RB1: variants seen among roughly 807,000 people sequenced by gnomAD.
RB1 encodes retinoblastoma-associated protein.
Under a neutral mutation model 135.4 loss-of-function variants are expected in RB1, and 18 were observed. The ratio of observed to expected loss-of-function variants is 0.13; its 90% CI spans 0.09 to 0.20. RB1 has a LOEUF of 0.20. Among genes scored for constraint, RB1 ranks in the 10% least tolerant of loss-of-function variants. The pLI is 1.00. For missense variants in RB1, 868 were observed against 1,110.0 expected (o/e 0.78, Z 3.10); for synonymous variants, 365 against 373.2 (o/e 0.98, Z 0.25).
intron 2 of RB1, among the ~76,000 whole-genome samples, 181 bp downstream of exon 2, chr13:48,307,587 G>A (rs1952092871): frequency 6.6e-6 from 1 of 151,672 alleles, no homozygotes; most frequent in African/African-American, 2.4e-5. Flanking sequence ...GGGCACGGTG[G>A]TTCATGCCTG....
At chr13:48,414,773 A>G (rs1216453720) in intron 17 of RB1, among the ~76,000 whole-genome samples, 1 of 152,228 alleles carries the variant, frequency 6.6e-6, no homozygotes, top group Non-Finnish European at 1.5e-5. Context: ...TTCATCTATT[A>G]TCAAATGACA....
At chr13:48,338,685 A>T (rs1377625546) in intron 2 of RB1, among the ~76,000 whole-genome samples, 2 of 152,206 alleles carry the variant, frequency 1.3e-5, no homozygotes, top group Admixed American at 1.3e-4. Flanking sequence ...AAATCGTCAA[A>T]GTCATTCTCC....
chr13:48,446,908 T>C (rs1471885891), intron 17 of RB1, among the ~76,000 whole-genome samples: 2 of 152,024 alleles, frequency 1.3e-5, no homozygotes, highest in East Asian at 3.8e-4. Context: ...GGGTTTTGAG[T>C]GTGGAGGTGG....
At chr13:48,421,468 C>A (rs745608521) in intron 17 of RB1, among the ~76,000 whole-genome samples, 17 of 152,172 alleles carry the variant, frequency 1.1e-4, no homozygotes, top group Admixed American at 5.9e-4. Flanking sequence ...CAAAGACTTC[C>A]TGACCAAAAC....
At chr13:48,326,317 T>A (rs198600) in intron 2 of RB1, among the ~76,000 whole-genome samples, 142,222 of 152,086 alleles carry the variant, frequency 0.94, 66,914 homozygotes, top group East Asian at 1. Context: ...AAAAATACTG[T>A]CTTTCTTTAC....
intron 17 of RB1, among the ~76,000 whole-genome samples, chr13:48,413,957 C>A (rs1281563553): frequency 1.3e-5 from 2 of 152,084 alleles, no homozygotes; most frequent in African/African-American, 4.8e-5. Context: ...TCCCTTAACC[C>A]CTTAATATGA....
At chr13:48,313,953 G>C (rs1593418222) in intron 2 of RB1, among the ~76,000 whole-genome samples, 1 of 151,954 alleles carries the variant, frequency 6.6e-6, no homozygotes, top group Non-Finnish European at 1.5e-5. Flanking sequence ...GTTTCACTGT[G>C]TTAGCCAGGA....
At chr13:48,351,796 C>T (rs1952551325) in intron 6 of RB1, among the ~76,000 whole-genome samples, 1 of 152,018 alleles carries the variant, frequency 6.6e-6, no homozygotes, top group Non-Finnish European at 1.5e-5. Context: ...GCCTCAGCCT[C>T]CTGAGTAACT....
intron 1 of RB1, 93 bp downstream of exon 1, chr13:48,304,142 T>C: frequency 7.8e-7 from 1 of 1,274,656 alleles, no homozygotes; most frequent in Non-Finnish European, 9.9e-7. Flanking sequence ...GGATCCGTCC[T>C]CGCCAGGGGC....
rs774207778 is a variant in RB1 at position 48,367,479 on chromosome 13, CTT to C, written c.940-10_940-9del. 2 of 1,598,140 alleles carry C rather than the reference CTT, an allele frequency of 1.3e-6. No individual in the cohort carries two copies. Among genetic ancestry groups the C allele is most frequent in the Non-Finnish European group, 1.7e-6 (2 of 1,170,824 alleles). On this transcript the variant is annotated splice_polypyrimidine_tract_variant and intron_variant, in intron 9 of 26. Coordinates refer to ENST00000267163, the MANE Select transcript of RB1 (RefSeq NM_000321.3). Reference sequence around the variant, plus strand: ...ACATGTAAAGGATAATTGTCAGTGACTTTTTTCTTTCAAGGTTGAAAATCTTT... The same window carrying C: ...ACATGTAAAGGATAATTGTCAGTGACTTTTCTTTCAAGGTTGAAAATCTTT...
chr13:48,398,983 T>G (rs1279809830), intron 17 of RB1, among the ~76,000 whole-genome samples: 1 of 152,046 alleles, frequency 6.6e-6, no homozygotes, highest in African/African-American at 2.4e-5. Flanking sequence ...GGAAGAAGGA[T>G]TAAAAGAAGA....
At chr13:48,320,424 C>T in intron 2 of RB1, 2 of 1,080,508 alleles carry the variant, frequency 1.9e-6, no homozygotes, top group South Asian at 2.5e-5. Context: ...GGCCAAAGGC[C>T]TCCCATTTGG....
intron 17 of RB1, among the ~76,000 whole-genome samples, chr13:48,406,341 T>G (rs1948739461): frequency 6.6e-6 from 1 of 152,204 alleles, no homozygotes; most frequent in African/African-American, 2.4e-5. Flanking sequence ...GTAATGACAT[T>G]AAAATATTCT....
At chr13:48,476,975 A>G (rs1949508308) in intron 25 of RB1, 132 bp downstream of exon 25, 2 of 1,186,350 alleles carry the variant, frequency 1.7e-6, no homozygotes, top group South Asian at 2.5e-5. Flanking sequence ...GAATGGCTCA[A>G]AATAATAGAT....
intron 17 of RB1, among the ~76,000 whole-genome samples, chr13:48,410,037 T>C (rs560054628): frequency 2.0e-5 from 3 of 152,332 alleles, no homozygotes; most frequent in South Asian, 2.1e-4. Context: ...TTTGTTACTT[T>C]ATAATGTAAG....
rs2138112546 is a variant in RB1, at chr13:48,362,897, A to G, written c.801A>G (p.Leu267=). The change falls in exon 8 of 27, where the codon CTA becomes CTG. Residue 267 remains leucine, a synonymous_variant. Transcript: ENST00000267163. Reference sequence around the variant, plus strand: ...GGAGTGCACGGATAGCAAAACAACTAGAAAATGATACAAGAATTATTGAAG... The same window carrying G: ...GGAGTGCACGGATAGCAAAACAACTGGAAAATGATACAAGAATTATTGAAG... ...QNRSARIAKQ[L]ENDTRIIEVL... 2.5e-6 allele frequency: 4 copies of G among 1,613,922 alleles called. No individual in the cohort carries two copies. The highest frequency in any genetic ancestry group is 3.4e-6 in the Non-Finnish European group (4 of 1,179,868).
At chr13:48,417,005 A>G (rs1948922675) in intron 17 of RB1, among the ~76,000 whole-genome samples, 1 of 152,222 alleles carries the variant, frequency 6.6e-6, no homozygotes, top group South Asian at 2.1e-4. Flanking sequence ...CAGCTTCAGC[A>G]GACTTAAACG....
chr13:48,365,657 G>T (rs1035799667), intron 9 of RB1, among the ~76,000 whole-genome samples: 2 of 152,196 alleles, frequency 1.3e-5, no homozygotes, highest in African/African-American at 4.8e-5. Flanking sequence ...CAAAAGGCAT[G>T]AAATAAAATA....
intron 2 of RB1, among the ~76,000 whole-genome samples, chr13:48,331,080 C>T (rs1011615519): frequency 2.0e-5 from 3 of 152,154 alleles, no homozygotes; most frequent in African/African-American, 4.8e-5. Flanking sequence ...CAAAACTTAA[C>T]ATTCTTTCAT....
Sources: gnomAD v4.1 joint callset for allele counts (sites outside exome capture counted in the v4.1 genomes callset) on GRCh38, gnomAD v4.1.1 for gene constraint, MANE v1.5 for transcripts, NCBI Gene and HGNC (gene_info 2026-07-23, HGNC 2026-07-21) for gene names.